Variants in LRRC4C observed in about 807,000 individuals in gnomAD.
LRRC4C encodes leucine rich repeat containing 4C.
Under a neutral mutation model 33.6 loss-of-function variants are expected in LRRC4C, and 5 were observed. The ratio of observed to expected loss-of-function variants is 0.15; its 90% confidence interval spans 0.08 to 0.31. The LOEUF (loss-of-function observed/expected upper bound fraction) is 0.31. Ranked by LOEUF, LRRC4C falls within the 10% of genes least tolerant of loss-of-function variation. LRRC4C has a pLI of 1.00. For synonymous variants in LRRC4C, 329 were observed against 302.0 expected, an observed-to-expected ratio of 1.09 and a Z score of -0.93; for missense variants, 560 against 796.7, an observed-to-expected ratio of 0.70 and a Z score of 3.58.
chr11:40,978,363 C>T (rs1852240482), intron 1 of LRRC4C, among the ~76,000 whole-genome samples: 1 of 152,158 alleles, frequency 6.6e-6, no homozygotes, highest in Non-Finnish European at 1.5e-5. Flanking sequence ...ATTCTTGACC[C>T]TACTCTCTGG....
chr11:40,593,071 C>T (rs114293223), intron 3 of LRRC4C, among the ~76,000 whole-genome samples: 3,501 of 152,206 alleles, frequency 0.023, 132 homozygotes, highest in African/African-American at 0.079. Flanking sequence ...GGCAACTAGG[C>T]AAGCCAAGCA....
intron 1 of LRRC4C, among the ~76,000 whole-genome samples, chr11:41,433,416 G>A (rs989134507): frequency 6.6e-6 from 1 of 152,130 alleles, no homozygotes; most frequent in African/African-American, 2.4e-5. Context: ...CTTCTATAGT[G>A]TGATGGTTAA....
chr11:40,666,645 G>A (rs113475027), intron 2 of LRRC4C, among the ~76,000 whole-genome samples: 2 of 152,120 alleles, frequency 1.3e-5, no homozygotes, highest in Admixed American at 6.5e-5. Context: ...CATTAATATT[G>A]TAATATAAAA....
intron 1 of LRRC4C, among the ~76,000 whole-genome samples, chr11:41,372,672 TTGCTAAC>T (rs1952793528): frequency 6.6e-6 from 1 of 152,018 alleles, no homozygotes; most frequent in Non-Finnish European, 1.5e-5. Flanking sequence ...TCCTTTTGTA[TTGCTAAC>T]ATCCATCCTT....
At chr11:41,381,570 T>C (rs1009785461) in intron 1 of LRRC4C, among the ~76,000 whole-genome samples, 14 of 149,394 alleles carry the variant, frequency 9.4e-5, no homozygotes, top group Non-Finnish European at 1.9e-4. Flanking sequence ...GAGGTTGCAG[T>C]GAGCCAAGAT....
intron 1 of LRRC4C, among the ~76,000 whole-genome samples, chr11:40,945,286 C>T (rs1299039445): frequency 6.6e-6 from 1 of 152,016 alleles, no homozygotes; most frequent in Non-Finnish European, 1.5e-5. Flanking sequence ...TCCCAAAGTG[C>T]TGGGATTACA....
At chr11:40,894,499 G>C (rs970138727) in intron 2 of LRRC4C, among the ~76,000 whole-genome samples, 1 of 152,072 alleles carries the variant, frequency 6.6e-6, no homozygotes, top group Non-Finnish European at 1.5e-5. Context: ...GAATAGAGAA[G>C]AAATAAATTT....
At chr11:41,340,187 C>T (rs895464575) in intron 1 of LRRC4C, among the ~76,000 whole-genome samples, 10 of 152,104 alleles carry the variant, frequency 6.6e-5, no homozygotes, top group African/African-American at 1.4e-4. Flanking sequence ...CTGGCTTTCC[C>T]AACCCTATAA....
In LRRC4C at chr11:41,394,144, T is replaced by A. The variant is rs141158941; in HGVS notation, c.-496+65287A>T. On this transcript the variant is annotated intron_variant, in intron 1 of 6. Transcript: ENST00000528697. Reference sequence around the variant, plus strand: ...TGACTGTGGAGGTTTGATGTCAAAGTCCTTGCTTCCTTATCTGTAAAATGG... The same window carrying A: ...TGACTGTGGAGGTTTGATGTCAAAGACCTTGCTTCCTTATCTGTAAAATGG... Among the ~76,000 whole-genome samples the A allele has an allele frequency of 6.6e-5, 10 of 152,110 alleles. No homozygotes were observed. In the South Asian group the frequency reaches 8.3e-4, roughly 13 times the overall value.
At chr11:40,340,365 A>C (rs76239506) in intron 3 of LRRC4C, among the ~76,000 whole-genome samples, 1,575 of 152,276 alleles carry the variant, frequency 0.01, 73 homozygotes, top group Admixed American at 0.066. Context: ...GAAGAAAAAA[A>C]CAGAAAACTA....
At chr11:40,683,998 C>T (rs1944833355) in intron 2 of LRRC4C, among the ~76,000 whole-genome samples, 1 of 152,178 alleles carries the variant, frequency 6.6e-6, no homozygotes, top group African/African-American at 2.4e-5. Context: ...CTCTTATAAA[C>T]ATTGGCAAAG....
intron 1 of LRRC4C, among the ~76,000 whole-genome samples, chr11:41,452,094 T>G (rs566448781): frequency 6.6e-6 from 1 of 152,248 alleles, no homozygotes; most frequent in South Asian, 2.1e-4. Flanking sequence ...TTGTCTCAAC[T>G]TATATGGATT....
At chr11:40,711,988 A>T (rs1946489302) in intron 2 of LRRC4C, among the ~76,000 whole-genome samples, 1 of 152,198 alleles carries the variant, frequency 6.6e-6, no homozygotes, top group Non-Finnish European at 1.5e-5. Context: ...CCCTTAAACT[A>T]AAATGCAAAC....
chr11:41,341,446 G>C (rs762476051), intron 1 of LRRC4C, among the ~76,000 whole-genome samples: 7 of 152,046 alleles, frequency 4.6e-5, no homozygotes, highest in Non-Finnish European at 8.8e-5. Flanking sequence ...GTAATTTAAT[G>C]ACTGTTTTCT....
At chr11:40,829,964 A>G (rs796653767) in intron 2 of LRRC4C, among the ~76,000 whole-genome samples, 8 of 152,208 alleles carry the variant, frequency 5.3e-5, no homozygotes, top group African/African-American at 1.9e-4. Flanking sequence ...CTGGAAATGT[A>G]TGGGGTGAAG....
At chr11:41,062,621 T>C (rs1412234275) in intron 1 of LRRC4C, among the ~76,000 whole-genome samples, 7 of 152,184 alleles carry the variant, frequency 4.6e-5, no homozygotes, top group Non-Finnish European at 8.8e-5. Flanking sequence ...CTCAATGAAC[T>C]TATAACAATA....
At chr11:40,268,715 G>A (rs1942466350) in intron 4 of LRRC4C, among the ~76,000 whole-genome samples, 1 of 152,038 alleles carries the variant, frequency 6.6e-6, no homozygotes, top group Non-Finnish European at 1.5e-5. Context: ...TGACATTTTG[G>A]GAACCATCTG....
chr11:40,814,021 C>T (rs748123383), intron 2 of LRRC4C, among the ~76,000 whole-genome samples: 16 of 152,126 alleles, frequency 1.1e-4, no homozygotes, highest in Admixed American at 2.6e-4. Context: ...ATTGAGTCAG[C>T]GTCTTTTCCA....
intron 5 of LRRC4C, among the ~76,000 whole-genome samples, chr11:40,179,176 TA>T (rs1565096101): frequency 6.6e-6 from 1 of 152,094 alleles, no homozygotes; most frequent in Admixed American, 6.6e-5. Flanking sequence ...GGATTTTTTT[TA>T]AAACTATTCT....
Sources: gnomAD v4.1 joint callset for allele counts (sites outside exome capture counted in the v4.1 genomes callset) on GRCh38, gnomAD v4.1.1 for gene constraint, MANE v1.5 for transcripts, NCBI Gene and HGNC (gene_info 2026-07-23, HGNC 2026-07-21) for gene names.